PTCH1: variants seen among roughly 807,000 people sequenced by gnomAD.
PTCH1 encodes patched 1, also known as protein patched homolog 1.
A neutral mutation model predicts 144.6 loss-of-function variants in PTCH1; 14 were observed. The observed-to-expected ratio is 0.10, with a 90% confidence interval of 0.06 to 0.15. The LOEUF (loss-of-function observed/expected upper bound fraction) is 0.15, where lower values mean the gene tolerates loss of function less well. PTCH1 is among the 10% of genes least tolerant of loss of function. The pLI is 1.00. For missense variants in PTCH1, 1,623 were observed against 1,948.3 expected, an observed-to-expected ratio of 0.83 and a Z score of 3.14; for synonymous variants, 833 against 793.6, an observed-to-expected ratio of 1.05 and a Z score of -0.83.
exon 1 of PTCH1, chr9:95,516,722 G>A (rs1332190978): frequency 1.2e-6 from 2 of 1,613,014 alleles, no homozygotes; most frequent in South Asian, 2.2e-5. Context: ...AAAAGGAACG[G>A]AAAGTGTAAA....
At chr9:95,459,449 C>G in intron 17 of PTCH1, 151 bp downstream of exon 17, 1 of 993,272 alleles carries the variant, frequency 1.0e-6, no homozygotes, top group Admixed American at 2.0e-5. Context: ...ACATCCTCGT[C>G]TCCCAGAGTT....
At position 95,469,107 on chromosome 9, in the gene PTCH1, C is replaced by T. The variant is rs559293815; in HGVS notation, c.1894G>A (p.Asp632Asn). Residue 632 changes from aspartate to asparagine, a missense_variant, in exon 14 of 24, where the codon GAC (aspartate) becomes AAC (asparagine). Coordinates refer to ENST00000331920, the MANE Select transcript of PTCH1 (RefSeq NM_000264.5). ...VIQVEPQAYTDTHDNTRYSPP... is the reference protein window; with the variant it reads ...VIQVEPQAYTNTHDNTRYSPP... ...CTGTAGCGGGTATTGTCGTGTGTGT[C>T]GGTGTAGGCCTGAGGTTCAACCTGA... is the stretch of plus-strand genomic sequence containing the variant. 102 of 1,613,902 alleles carry T rather than the reference C, an allele frequency of 6.3e-5. No homozygotes were observed. The highest frequency in any genetic ancestry group is 8.1e-5 in the Non-Finnish European group (95 of 1,180,012).
In PTCH1 at chr9:95,467,365, C is replaced by G. The variant is rs1357637254; in HGVS notation, c.2311G>C (p.Val771Leu). The stretch of plus-strand genomic sequence containing the variant: ...TCCGTAAGGTCCAGCCCGTCTCTCA[C>G]TCGGGTGGTGCCATAAAGGCTGACC... Reference protein sequence around the residue: ...LGVSLYGTTRVRDGLDLTDIV... With the variant: ...LGVSLYGTTRLRDGLDLTDIV... The change falls in exon 15 of 24, where the codon GTG becomes CTG. Residue 771 changes from valine (V) to leucine (L), a missense_variant. By Grantham distance (32) the Val-to-Leu change is conservative (BLOSUM62 1). This residue lies in a region of PTCH1 where 504 missense variants were observed against 679.3 expected (regional missense o/e 0.74). Coordinates refer to ENST00000331920, the MANE Select transcript of PTCH1 (RefSeq NM_000264.5). The G allele has an allele frequency of 6.2e-7, 1 of 1,614,230 alleles. No individual in the cohort carries two copies. The highest frequency in any genetic ancestry group is 1.3e-5 in the African/African-American group (1 of 75,048).
At chr9:95,516,478 C>A (rs1008505852) in exon 1 of PTCH1, 2 of 1,525,146 alleles carry the variant, frequency 1.3e-6, no homozygotes, top group Non-Finnish European at 1.8e-6. Flanking sequence ...CCATAGCCGG[C>A]CGTCAACCCC....
chr9:95,507,029 C>A (rs1843722418), intron 1 of PTCH1: 1 of 989,214 alleles, frequency 1.0e-6, no homozygotes, highest in Non-Finnish European at 1.2e-6. Flanking sequence ...CCATCACCCT[C>A]GGGGACGGGC....
At chr9:95,509,505 T>G (rs1439441568), upstream of PTCH1, among the ~76,000 whole-genome samples, 1 of 152,254 alleles carries the variant, frequency 6.6e-6, no homozygotes, top group African/African-American at 2.4e-5. Context: ...CCTTCTCGCA[T>G]GCAATACTTC....
Position 95,458,052 on chromosome 9 carries a change from G to A in PTCH1, c.3129C>T (p.Cys1043=), listed in dbSNP as rs746220311. ...SVVLACTFLV[C]AVFLLNPWTA... Reference sequence around the variant, plus strand: ...TCCAGGGGTTCAGAAGGAAGACAGCGCACACGAGGAATGTGCAGGCCAACA... The same window carrying A: ...TCCAGGGGTTCAGAAGGAAGACAGCACACACGAGGAATGTGCAGGCCAACA... The change falls in exon 18 of 24, where the codon TGC becomes TGT. Residue 1043 remains cysteine (C), a synonymous_variant. Transcript: ENST00000331920. The surrounding 1 kb of genome is among the most constrained non-coding windows in gnomAD (Gnocchi z 4.7). The A allele has an allele frequency of 8.7e-6, 14 of 1,614,024 alleles. No homozygotes were observed. The East Asian group carries it at 1.1e-4, about 13-fold the overall frequency.
chr9:95,508,371 G>A lies in PTCH1; in HGVS notation c.-10C>T. ...TACCAGCCGAGGCCATGTTGCCGCC[G>A]CCGCCGCCGCCGCCGCGGGGACGGA... On this transcript the variant is annotated 5_prime_UTR_variant, in exon 1 of 24. Coordinates refer to ENST00000331920, the MANE Select transcript of PTCH1 (RefSeq NM_000264.5). 8.7e-7 allele frequency: 1 copy of A among 1,145,684 alleles called. No individual in the cohort carries two copies. The highest frequency in any genetic ancestry group is 1.1e-6 in the Non-Finnish European group (1 of 933,038). The allele number at this position is 1,145,684 out of a possible 1,614,324, so 71.0% of individuals were successfully genotyped here.
At chr9:95,510,253 TAGTC>T (rs1032406275), upstream of PTCH1, among the ~76,000 whole-genome samples, 16 of 152,346 alleles carry the variant, frequency 1.1e-4, no homozygotes, top group South Asian at 6.2e-4. Context: ...GATGTTTATA[TAGTC>T]AGTATTTTTT....
chr9:95,490,862 G>A (rs1175032154), intron 2 of PTCH1, among the ~76,000 whole-genome samples: 1 of 152,140 alleles, frequency 6.6e-6, no homozygotes, highest in East Asian at 1.9e-4. Context: ...AGCTAGAAGA[G>A]AAGATTTAGA....
Position 95,481,150 on chromosome 9 carries a change from C to A in PTCH1, c.747-562G>T, listed in dbSNP as rs920501667. 7.2e-5 allele frequency among the ~76,000 whole-genome samples: 11 copies of A among 152,172 alleles called. 2 individuals are homozygous for A. Among genetic ancestry groups the A allele is most frequent in the Admixed American group, 6.5e-4 (10 of 15,272 alleles). On this transcript the variant is annotated intron_variant, in intron 5 of 23. Coordinates refer to ENST00000331920, the MANE Select transcript of PTCH1 (RefSeq NM_000264.5). ...TTTTGAATCTGTGCTGTTGACAGACCAGAAAGGCTTTTGGCTGCCTGTTAT... is the reference window on the plus strand; with the variant it reads ...TTTTGAATCTGTGCTGTTGACAGACAAGAAAGGCTTTTGGCTGCCTGTTAT...
In PTCH1 at chr9:95,469,146, C is replaced by T. The variant is rs1060502266; in HGVS notation, c.1855G>A (p.Val619Ile). 2.0e-5 allele frequency: 32 copies of T among 1,613,900 alleles called. No individual in the cohort carries two copies. Among genetic ancestry groups the T allele is most frequent in the Middle Eastern group, 1.6e-4 (1 of 6,084 alleles). Residue 619 changes from valine (V) to isoleucine (I), a missense_variant, in exon 14 of 24, where the codon GTC becomes ATC. By Grantham distance (29) the Val-to-Ile change is conservative (BLOSUM62 3). Coordinates refer to ENST00000331920, the MANE Select transcript of PTCH1 (RefSeq NM_000264.5). ...GGTTCAACCTGAATCACTCTGCTGA[C>T]GCAGGGGCTGAAAGGAGGGGAAACA... ...DIFCCFTSPCVSRVIQVEPQA... is the reference protein window; with the variant it reads ...DIFCCFTSPCISRVIQVEPQA...
At chr9:95,453,393 G>A (rs528682199) in intron 20 of PTCH1, 85 bp downstream of exon 20, 3 of 1,595,302 alleles carry the variant, frequency 1.9e-6, no homozygotes, top group East Asian at 2.2e-5. Flanking sequence ...GCCTCCTAAA[G>A]TGCTGGGATT....
chr9:95,489,648 G>A (rs1299515222), intron 2 of PTCH1, among the ~76,000 whole-genome samples: 2 of 151,966 alleles, frequency 1.3e-5, no homozygotes, highest in African/African-American at 4.8e-5. Context: ...TTTTTCCACT[G>A]TCAGGATCAA....
At chr9:95,489,191 A>G (rs965479612) in intron 2 of PTCH1, among the ~76,000 whole-genome samples, 2 of 152,190 alleles carry the variant, frequency 1.3e-5, no homozygotes, top group African/African-American at 4.8e-5. Context: ...GCAAACGCCT[A>G]TCCTAAATCA....
Position 95,449,628 on chromosome 9 carries a change from G to T in PTCH1, c.3549+213C>A, listed in dbSNP as rs1838277599. The stretch of plus-strand genomic sequence containing the variant: ...CTGTATAAAGATCTGTAAGACCCAG[G>T]CTGCCAATCAGTTGATTTAGAGGAA... On this transcript the variant is annotated intron_variant, in intron 21 of 23. Transcript: ENST00000331920. The surrounding 1 kb of genome is among the most constrained non-coding windows in gnomAD (Gnocchi z 5.3). The T allele has an allele frequency of 1.5e-6, 1 of 651,774 alleles. No individual in the cohort carries two copies. The allele number at this position is 651,774 out of a possible 1,614,324, so 40.4% of individuals were successfully genotyped here. A position where few individuals can be genotyped will look rare whatever the true frequency, so the allele number is the denominator to read the frequency against.
At chr9:95,462,344 C>T (rs887423331) in intron 15 of PTCH1, among the ~76,000 whole-genome samples, 13 of 152,158 alleles carry the variant, frequency 8.5e-5, no homozygotes, top group African/African-American at 2.9e-4. Flanking sequence ...GGTCATTAAC[C>T]GTTTCGTGCC....
chr9:95,494,049 G>T (rs1206427596), intron 2 of PTCH1, among the ~76,000 whole-genome samples: 2 of 152,214 alleles, frequency 1.3e-5, no homozygotes, highest in Admixed American at 1.3e-4. Context: ...AGCATAACGA[G>T]AAAAGGACAC....
rs750313305 is a variant in PTCH1 at position 95,480,558 on chromosome 9, G to A, written c.777C>T (p.Phe259=). 9.3e-6 allele frequency: 15 copies of A among 1,613,344 alleles called. No homozygotes were observed. Among genetic ancestry groups the A allele is most frequent in the Non-Finnish European group, 1.2e-5 (14 of 1,179,890 alleles). The part of the protein sequence containing the change: ...LGKPPLRWTN[F]DPLEFLEELK... ...ACTCTTCCAGGAATTCCAAAGGGTC[G>A]AAGTTTGTCCACCGCAAAGGAGGTT... The change falls in exon 6 of 24, where the codon TTC becomes TTT. Residue 259 remains phenylalanine, a synonymous_variant. Transcript: ENST00000331920.
Sources: gnomAD v4.1 joint callset for allele counts (sites outside exome capture counted in the v4.1 genomes callset) on GRCh38, gnomAD v4.1.1 for gene constraint, gnomAD v4.1.1 regional missense constraint, Gnocchi (gnomAD v3.1) non-coding constraint, MANE v1.5 for transcripts, NCBI Gene and HGNC (gene_info 2026-07-23, HGNC 2026-07-21) for gene names.